Variants in AOAH observed in about 807,000 individuals in gnomAD.
AOAH encodes acyloxyacyl hydrolase.
AOAH carries 64 observed loss-of-function variants against 92.2 expected under a neutral mutation model. The observed-to-expected ratio is 0.69, with a 90% CI of 0.57 to 0.86. The LOEUF is 0.86. Ranked by LOEUF, AOAH falls within the 40% of genes least tolerant of loss-of-function variation. The pLI is 0.00. For missense variants in AOAH, 656 were observed against 694.6 expected, an observed-to-expected ratio of 0.94 and a Z score of 0.62; for synonymous variants, 263 against 254.5, an observed-to-expected ratio of 1.03 and a Z score of -0.32.
At chr7:36,646,548 C>A (rs1562654643) in intron 4 of AOAH, among the ~76,000 whole-genome samples, 1 of 152,134 alleles carries the variant, frequency 6.6e-6, no homozygotes, top group Admixed American at 6.5e-5. Flanking sequence ...CACAACAAAT[C>A]AATTATTTGT....
rs1410676939 is a variant in AOAH, at chr7:36,513,214, C to T, written c.*38G>A. The T allele has an allele frequency of 2.5e-6, 4 of 1,614,160 alleles. No individual in the cohort carries two copies. Among genetic ancestry groups the T allele is most frequent in the Non-Finnish European group, 3.4e-6 (4 of 1,180,032 alleles). Reference sequence around the variant, plus strand: ...GGAATGAGTTTACCCAAGCCTCTGCCTCCCTGTGCTCCCCAGGGGTGCATG... The same window carrying T: ...GGAATGAGTTTACCCAAGCCTCTGCTTCCCTGTGCTCCCCAGGGGTGCATG... On this transcript the variant is annotated 3_prime_UTR_variant, in exon 21 of 21. Transcript: ENST00000617537.
intron 13 of AOAH, among the ~76,000 whole-genome samples, chr7:36,557,953 G>A (rs1454269938): frequency 2.0e-5 from 3 of 152,124 alleles, no homozygotes; most frequent in Non-Finnish European, 4.4e-5. Flanking sequence ...GCTCGGAGTA[G>A]TTTGATCGTC....
In AOAH at chr7:36,527,980, G is replaced by A. The variant is rs1206604674; in HGVS notation, c.1522+2438C>T. Among the ~76,000 whole-genome samples the A allele has an allele frequency of 7.9e-5, 12 of 152,284 alleles. No homozygotes were observed. In the South Asian group the frequency reaches 1.0e-3, roughly 13 times the overall value. ...TGAGCTTAAGTCAGGACACTACCACGGTTCCTGAAAACCAGATAGAAATGC... is the reference window on the plus strand; with the variant it reads ...TGAGCTTAAGTCAGGACACTACCACAGTTCCTGAAAACCAGATAGAAATGC... On this transcript the variant is annotated intron_variant, in intron 19 of 20. Transcript: ENST00000617537.
At chr7:36,636,752 A>G (rs528481437) in intron 5 of AOAH, among the ~76,000 whole-genome samples, 58 of 152,342 alleles carry the variant, frequency 3.8e-4, no homozygotes, top group Non-Finnish European at 7.5e-4. Flanking sequence ...GTTGCCAGAT[A>G]AAATATTACA....
chr7:36,667,602 C>T (rs1484310571), intron 3 of AOAH, among the ~76,000 whole-genome samples: 1 of 152,196 alleles, frequency 6.6e-6, no homozygotes, highest in Non-Finnish European at 1.5e-5. Context: ...TACCATATGT[C>T]TTTACTGATT....
At chr7:36,670,057 C>T (rs371466370) in intron 3 of AOAH, among the ~76,000 whole-genome samples, 38 of 145,394 alleles carry the variant, frequency 2.6e-4, no homozygotes, top group South Asian at 8.5e-4. Flanking sequence ...TCTCAGGTAT[C>T]CTTTTTTTGT....
chr7:36,564,779 T>C (rs118103548), intron 13 of AOAH, among the ~76,000 whole-genome samples: 1 of 152,332 alleles, frequency 6.6e-6, no homozygotes, highest in East Asian at 1.9e-4. Flanking sequence ...ACAAAACAGA[T>C]GCATCAAAAG....
At chr7:36,545,963 C>T (rs979418811) in intron 15 of AOAH, among the ~76,000 whole-genome samples, 1 of 152,210 alleles carries the variant, frequency 6.6e-6, no homozygotes, top group Non-Finnish European at 1.5e-5. Context: ...TTTCTCCTTC[C>T]ATATCATTCA....
In AOAH at chr7:36,659,167, T is replaced by C; in HGVS notation, c.389A>G (p.Lys130Arg). The change falls in exon 4 of 21, where the codon AAG (lysine) becomes AGG (arginine). Residue 130 changes from lysine (K) to arginine (R), a missense_variant and splice_region_variant. By Grantham distance (26) the Lys-to-Arg change is conservative. Coordinates refer to ENST00000617537, the MANE Select transcript of AOAH (RefSeq NM_001637.4). ...QPLCHLYPLP[K>R]ETWKFTLQKA... ...TGTTCAGAGTGATTACACACTCACC[T>C]TGGGAAGAGGGTAGAGATGACACAA... The C allele has an allele frequency of 1.2e-6, 2 of 1,612,032 alleles. No individual in the cohort carries two copies. The highest frequency in any genetic ancestry group is 1.7e-6 in the Non-Finnish European group (2 of 1,178,080).
intron 1 of AOAH, among the ~76,000 whole-genome samples, chr7:36,715,569 A>C (rs1799098284): frequency 6.6e-6 from 1 of 151,458 alleles, no homozygotes; most frequent in South Asian, 2.1e-4. Context: ...GCCTGACTTC[A>C]AACTATACTA....
chr7:36,600,624 GGAA>G (rs1208497654), intron 11 of AOAH, among the ~76,000 whole-genome samples: 1 of 152,040 alleles, frequency 6.6e-6, no homozygotes, highest in African/African-American at 2.4e-5. Flanking sequence ...AGGTTCTGGT[GGAA>G]CAAGAAAGGG....
intron 4 of AOAH, among the ~76,000 whole-genome samples, chr7:36,657,779 G>A (rs1174650108): frequency 2.0e-5 from 3 of 152,146 alleles, no homozygotes; most frequent in Non-Finnish European, 2.9e-5. Flanking sequence ...AGGGGGTCAG[G>A]GTAGGAAGAC....
chr7:36,699,582 C>A (rs1219301955), intron 1 of AOAH, among the ~76,000 whole-genome samples: 1 of 145,000 alleles, frequency 6.9e-6, no homozygotes, highest in African/African-American at 2.5e-5. Flanking sequence ...ATGTATATGT[C>A]TTTTTTGAGA....
intron 2 of AOAH, among the ~76,000 whole-genome samples, chr7:36,682,818 G>C (rs1009306839): frequency 6.6e-6 from 1 of 151,838 alleles, no homozygotes; most frequent in African/African-American, 2.4e-5. Flanking sequence ...TAAATAAAGA[G>C]ATTAAAATAA....
At chr7:36,713,101 A>G (rs1199427405) in intron 1 of AOAH, among the ~76,000 whole-genome samples, 1 of 151,968 alleles carries the variant, frequency 6.6e-6, no homozygotes, top group Non-Finnish European at 1.5e-5. Context: ...CACATGCAGA[A>G]ACACATAGGC....
chr7:36,526,417 G>C (rs1035795634), intron 19 of AOAH, among the ~76,000 whole-genome samples: 1 of 152,192 alleles, frequency 6.6e-6, no homozygotes, highest in African/African-American at 2.4e-5. Flanking sequence ...TCAAAGGGAA[G>C]ATCCTTTTTT....
chr7:36,613,630 C>T (rs1470566126), intron 11 of AOAH, among the ~76,000 whole-genome samples: 1 of 152,204 alleles, frequency 6.6e-6, no homozygotes, highest in African/African-American at 2.4e-5. Flanking sequence ...TCCAGAATTT[C>T]CCCAGCTGCC....
At chr7:36,597,332 G>C (rs1031324490) in intron 11 of AOAH, among the ~76,000 whole-genome samples, 11 of 152,052 alleles carry the variant, frequency 7.2e-5, no homozygotes, top group African/African-American at 2.7e-4. Context: ...TTATCTGTTT[G>C]AGTTTCTATT....
intron 20 of AOAH, among the ~76,000 whole-genome samples, chr7:36,521,179 GTTTGTACCC>G (rs1202349454): frequency 6.6e-6 from 1 of 152,114 alleles, no homozygotes; most frequent in African/African-American, 2.4e-5. Context: ...TGCTCCTCAG[GTTTGTACCC>G]TTTGGTAGCC....
Sources: allele counts gnomAD v4.1 joint callset (sites outside exome capture counted in the v4.1 genomes callset), GRCh38; gene constraint gnomAD v4.1.1; transcripts MANE v1.5; gene names NCBI Gene and HGNC (gene_info 2026-07-23, HGNC 2026-07-21).